IL1RAPL1: variants seen among roughly 807,000 people sequenced by gnomAD.
IL1RAPL1 encodes the protein interleukin-1 receptor accessory protein-like 1.
IL1RAPL1 carries 3 observed loss-of-function variants against 48.4 expected under a neutral mutation model. That is an observed-to-expected ratio of 0.06 (90% CI 0.03 to 0.16). IL1RAPL1 has a LOEUF of 0.16. IL1RAPL1 is among the 10% of genes least tolerant of loss of function. IL1RAPL1 has a pLI of 1.00. For synonymous variants in IL1RAPL1, 185 were observed against 187.7 expected (o/e 0.99, Z 0.12); for missense variants, 349 against 530.6 (o/e 0.66, Z 3.36).
chrX:28,691,348 A>G (rs1349270860), intron 1 of IL1RAPL1, among the ~76,000 whole-genome samples: 1 of 111,865 alleles, frequency 8.9e-6, no homozygotes, highest in Non-Finnish European at 1.9e-5. Context: ...TTTAGTAAGG[A>G]TTTACTTCAG....
intron 2 of IL1RAPL1, among the ~76,000 whole-genome samples, chrX:28,805,879 C>A (rs1936725406): frequency 9.2e-6 from 1 of 108,775 alleles, no homozygotes; most frequent in South Asian, 3.9e-4. Flanking sequence ...ATATATATAT[C>A]TTTTGTAATC....
At chrX:28,805,242 T>TA (rs1322065356) in intron 2 of IL1RAPL1, among the ~76,000 whole-genome samples, 1 of 111,443 alleles carries the variant, frequency 9.0e-6, no homozygotes, top group Non-Finnish European at 1.9e-5. Flanking sequence ...CAGGTGATTG[T>TA]ACAGTGAAGA....
intron 2 of IL1RAPL1, among the ~76,000 whole-genome samples, chrX:28,950,888 A>G (rs1016410271): frequency 3.6e-5 from 4 of 109,648 alleles, no homozygotes; most frequent in African/African-American, 1.3e-4. Flanking sequence ...TCCAACAGTG[A>G]TAGAATGGAT....
chrX:28,668,415 T>C (rs751127903), intron 1 of IL1RAPL1, among the ~76,000 whole-genome samples: 1 of 111,907 alleles, frequency 8.9e-6, no homozygotes, highest in African/African-American at 3.2e-5. Context: ...CACACCACCA[T>C]ACCCGGCTAA....
chrX:29,838,794 C>G (rs1235486360), intron 6 of IL1RAPL1, among the ~76,000 whole-genome samples: 3 of 111,830 alleles, frequency 2.7e-5, no homozygotes, highest in Non-Finnish European at 3.8e-5. Flanking sequence ...TATCATTCTA[C>G]AGGAAGACAA....
At chrX:29,763,598 C>T (rs5928330) in intron 6 of IL1RAPL1, among the ~76,000 whole-genome samples, 38,310 of 109,631 alleles carry the variant, frequency 0.35, 4,951 homozygotes, top group South Asian at 0.48. Flanking sequence ...TCTATTGATA[C>T]GAGGACTAAA....
intron 2 of IL1RAPL1, among the ~76,000 whole-genome samples, chrX:29,011,111 G>T (rs1050711809): frequency 1.8e-5 from 2 of 111,875 alleles, no homozygotes; most frequent in African/African-American, 6.5e-5. Flanking sequence ...ATATTGCACA[G>T]TGAAAAGATG....
At chrX:29,895,947 A>G (rs1019606927) in intron 6 of IL1RAPL1, among the ~76,000 whole-genome samples, 4 of 112,089 alleles carry the variant, frequency 3.6e-5, no homozygotes, top group Non-Finnish European at 5.6e-5. Context: ...TGAGAGAAAC[A>G]GCCAACATTC....
intron 5 of IL1RAPL1, among the ~76,000 whole-genome samples, chrX:29,586,257 C>T (rs1003808923): frequency 1.2e-4 from 13 of 111,560 alleles, no homozygotes; most frequent in African/African-American, 3.9e-4. Context: ...TTTATGCTTT[C>T]ATATGTGGAT....
At chrX:29,043,524 T>A (rs1926890883) in intron 2 of IL1RAPL1, among the ~76,000 whole-genome samples, 1 of 111,489 alleles carries the variant, frequency 9.0e-6, no homozygotes, top group Admixed American at 9.6e-5. Context: ...AAGCCCTGAC[T>A]GGAATCCATG....
chrX:29,927,758 ACTG>A (rs1331583622), intron 8 of IL1RAPL1, among the ~76,000 whole-genome samples: 1 of 111,530 alleles, frequency 9.0e-6, no homozygotes, highest in Non-Finnish European at 1.9e-5. Context: ...AACACGAAAT[ACTG>A]CTGATTTTCT....
chrX:29,696,183 G>A (rs1007742282), intron 6 of IL1RAPL1, among the ~76,000 whole-genome samples: 1 of 111,355 alleles, frequency 9.0e-6, no homozygotes, highest in African/African-American at 3.3e-5. Flanking sequence ...GCCAGTACCA[G>A]TCCCCCAGTT....
chrX:29,049,137 T>A (rs1219858598), intron 2 of IL1RAPL1, among the ~76,000 whole-genome samples: 1 of 112,222 alleles, frequency 8.9e-6, no homozygotes, highest in Non-Finnish European at 1.9e-5. Context: ...CTGCATGTGC[T>A]ACCACAGCTT....
chrX:28,996,504 T>G (rs1424179876), intron 2 of IL1RAPL1, among the ~76,000 whole-genome samples: 1 of 111,245 alleles, frequency 9.0e-6, no homozygotes, highest in Non-Finnish European at 1.9e-5. Flanking sequence ...AATTCTATGT[T>G]TAATCTTTTG....
intron 6 of IL1RAPL1, among the ~76,000 whole-genome samples, chrX:29,717,237 C>T (rs866570342): frequency 9.1e-6 from 1 of 109,580 alleles, no homozygotes; most frequent in African/African-American, 3.3e-5. Flanking sequence ...CACACACACA[C>T]GAACAAGAAT....
chrX:28,630,766 G>T (rs1233440031), intron 1 of IL1RAPL1, among the ~76,000 whole-genome samples: 2 of 112,431 alleles, frequency 1.8e-5, no homozygotes, highest in Non-Finnish European at 3.8e-5. Flanking sequence ...TATTAAATGT[G>T]AAGAAATTCC....
intron 5 of IL1RAPL1, among the ~76,000 whole-genome samples, chrX:29,399,939 G>C (rs1183300096): frequency 2.7e-5 from 3 of 111,809 alleles, no homozygotes; most frequent in Non-Finnish European, 5.6e-5. Flanking sequence ...ACATTTCCTA[G>C]AGTGGCTAAA....
At chrX:29,162,124 A>G (rs778182981) in intron 2 of IL1RAPL1, among the ~76,000 whole-genome samples, 62 of 111,241 alleles carry the variant, frequency 5.6e-4, no homozygotes, top group African/African-American at 1.8e-3. Flanking sequence ...ACCAAACACC[A>G]CATGTTCTCA....
chrX:29,669,071 A>G (rs914879411), intron 6 of IL1RAPL1, among the ~76,000 whole-genome samples: 2 of 111,687 alleles, frequency 1.8e-5, no homozygotes, highest in Non-Finnish European at 3.8e-5. Context: ...TATTGAAAAA[A>G]TGTACAATTA....
Sources: allele counts gnomAD v4.1 joint callset (sites outside exome capture counted in the v4.1 genomes callset), GRCh38; gene constraint gnomAD v4.1.1; transcripts MANE v1.5; gene names NCBI Gene and HGNC (gene_info 2026-07-23, HGNC 2026-07-21).